Variants in ATAD3B observed in about 807,000 individuals in gnomAD.
The protein encoded by ATAD3B is ATPase family AAA domain-containing protein 3B.
A neutral mutation model predicts 70.2 loss-of-function variants in ATAD3B; 59 were observed. The ratio of observed to expected loss-of-function variants is 0.84; its 90% CI spans 0.68 to 1.04. ATAD3B has a LOEUF of 1.04. Ranked by LOEUF, ATAD3B falls within the 50% of genes least tolerant of loss-of-function variation. ATAD3B has a pLI of 0.00. For synonymous variants in ATAD3B, 423 were observed against 388.6 expected (o/e 1.09, Z -1.04); for missense variants, 961 against 913.4 (o/e 1.05, Z -0.67).
intron 15 of ATAD3B, among the ~76,000 whole-genome samples, chr1:1,494,159 A>T (rs1349719758): frequency 6.7e-6 from 1 of 150,368 alleles, no homozygotes; most frequent in African/African-American, 2.4e-5. Flanking sequence ...TCACTGTTGG[A>T]CCCACCCGCG....
chr1:1,481,079 G>A (rs1278446367), intron 5 of ATAD3B, 143 bp downstream of exon 5: 1 of 1,463,498 alleles, frequency 6.8e-7, no homozygotes, highest in Non-Finnish European at 9.0e-7. Context: ...TCTGCGGGGT[G>A]GGGCTCCCTC....
In ATAD3B at chr1:1,490,617, G is replaced by T. The variant is rs752878020; in HGVS notation, c.1560G>T (p.Arg520=). 2.5e-6 allele frequency: 4 copies of T among 1,608,118 alleles called. No individual in the cohort carries two copies. Among genetic ancestry groups the T allele is most frequent in the Non-Finnish European group, 3.4e-6 (4 of 1,178,070 alleles). ...DYGRKCSEVA[R]LTEGMSGREI... ...GGAGGAAGTGCTCGGAGGTCGCTCG[G>T]CTGACGGAGGGCATGTCGGGCCGGG... Residue 520 remains arginine, a synonymous_variant, in exon 15 of 16, where the codon CGG becomes CGT. Coordinates refer to ENST00000673477, the MANE Select transcript of ATAD3B (RefSeq NM_031921.6).
At chr1:1,508,925 G>A in the ATAD3B span, among the ~76,000 whole-genome samples, 7 of 151,386 alleles carry the variant, frequency 4.6e-5, no homozygotes, top group African/African-American at 4.9e-5. Flanking sequence ...AAGCTGCCCT[G>A]GGTCGGCCGT....
At chr1:1,503,321 G>T in the ATAD3B span, 11 of 437,724 alleles carry the variant, frequency 2.5e-5, no homozygotes, top group East Asian at 4.4e-4. Flanking sequence ...GCCTCCTCCC[G>T]TCCACGTGGG....
rs1261394567 is a variant in ATAD3B at position 1,495,930 on chromosome 1, C to G, written c.*113C>G. ...TGAGGCTTTGTACCCCAGCCCCTGC[C>G]CAGGCCACTGTGAGGGTGGGTGCTG... is the stretch of plus-strand genomic sequence containing the variant. On this transcript the variant is annotated 3_prime_UTR_variant, in exon 16 of 16. Coordinates refer to ENST00000673477, the MANE Select transcript of ATAD3B (RefSeq NM_031921.6). 7.0e-7 allele frequency: 1 copy of G among 1,422,878 alleles called. No individual in the cohort carries two copies. Among genetic ancestry groups the G allele is most frequent in the Admixed American group, 2.9e-5 (1 of 35,028 alleles). 88.1% of individuals were successfully genotyped at this position (1,422,878 alleles called of 1,614,324 possible).
downstream of ATAD3B, among the ~76,000 whole-genome samples, chr1:1,502,366 C>G (rs533388303): frequency 6.6e-6 from 1 of 151,526 alleles, no homozygotes; most frequent in South Asian, 2.1e-4. Flanking sequence ...AGGCGCCCAC[C>G]ACCGCGCCTG....
At chr1:1,478,971 G>C in intron 3 of ATAD3B, 78 bp from the exon 4 acceptor site, 3 of 747,240 alleles carry the variant, frequency 4.0e-6, no homozygotes, top group Non-Finnish European at 6.2e-6. Context: ...GCGCGTCGGA[G>C]TCCCCGGCGC....
In ATAD3B at chr1:1,485,820, G is replaced by C; in HGVS notation, c.945G>C (p.Leu315=). 2 of 1,613,156 alleles carry C rather than the reference G, an allele frequency of 1.2e-6. No homozygotes were observed. Among genetic ancestry groups the C allele is most frequent in the Non-Finnish European group, 1.7e-6 (2 of 1,179,492 alleles). ...RRLLSRPQDV[L]EGVVLSPSLE... ...TCCTCAGTCGACCCCAGGACGTGCTGGAGGGTGTTGTGCTTAGTGTAAGTC... is the reference window on the plus strand; with the variant it reads ...TCCTCAGTCGACCCCAGGACGTGCTCGAGGGTGTTGTGCTTAGTGTAAGTC... Residue 315 remains leucine, a synonymous_variant, in exon 9 of 16, where the codon CTG becomes CTC. Transcript: ENST00000673477.
chr1:1,473,489 C>G (rs1639436744), intron 1 of ATAD3B, among the ~76,000 whole-genome samples: 1 of 150,662 alleles, frequency 6.6e-6, no homozygotes, highest in Non-Finnish European at 1.5e-5. Context: ...CAGGCGTGAG[C>G]CACCGCATGC....
chr1:1,505,017 C>T, the ATAD3B span, among the ~76,000 whole-genome samples: 3,412 of 152,146 alleles, frequency 0.022, 128 homozygotes, highest in African/African-American at 0.077. Context: ...TGTGCAGAGA[C>T]AAGAGAGTGT....
At chr1:1,474,644 C>T (rs564309553) in intron 1 of ATAD3B, among the ~76,000 whole-genome samples, 13 of 151,946 alleles carry the variant, frequency 8.6e-5, no homozygotes, top group African/African-American at 1.5e-4. Context: ...GGATCACAGG[C>T]GCCCGCCAGC....
chr1:1,488,176 A>G (rs1310297541), intron 12 of ATAD3B, among the ~76,000 whole-genome samples: 2 of 152,070 alleles, frequency 1.3e-5, no homozygotes, highest in East Asian at 1.9e-4. Flanking sequence ...AAGTTGGTCA[A>G]GAACTCCTGA....
At chr1:1,499,971 C>A (rs1640909632), downstream of ATAD3B, among the ~76,000 whole-genome samples, 2 of 150,170 alleles carry the variant, frequency 1.3e-5, no homozygotes, top group Admixed American at 1.3e-4. Context: ...GATCTTGTCT[C>A]ACTGCAACCT....
chr1:1,502,701 C>T (rs1321474253), downstream of ATAD3B, among the ~76,000 whole-genome samples: 4 of 146,274 alleles, frequency 2.7e-5, no homozygotes, highest in Non-Finnish European at 4.5e-5. Context: ...TAGTAGAGAC[C>T]GGGTTTCACC....
At position 1,480,893 on chromosome 1, in the gene ATAD3B, GA is replaced by G; in HGVS notation, c.473del (p.Lys158SerfsTer56). 6.3e-7 allele frequency: 1 copy of G among 1,593,764 alleles called. No homozygotes were observed. Among genetic ancestry groups the G allele is most frequent in the Non-Finnish European group, 8.5e-7 (1 of 1,171,860 alleles). On this transcript the variant is annotated frameshift_variant, in exon 5 of 16. Coordinates refer to ENST00000673477, the MANE Select transcript of ATAD3B (RefSeq NM_031921.6). LOFTEE classifies it high-confidence loss of function. ...QQLLNEENLR[K>X]QEESVQKQEA... Reference sequence around the variant, plus strand: ...AACTTCTCAATGAGGAGAATTTACGGAAGCAGGAGGAGTCCGTGCAGAAGCA... The same window carrying G: ...AACTTCTCAATGAGGAGAATTTACGGAGCAGGAGGAGTCCGTGCAGAAGCA...
At chr1:1,472,352 A>G (rs1480618874) in intron 1 of ATAD3B, among the ~76,000 whole-genome samples, 1 of 151,922 alleles carries the variant, frequency 6.6e-6, no homozygotes, top group Non-Finnish European at 1.5e-5. Context: ...TACAGGGGTC[A>G]GGGTCTGGGG....
intron 15 of ATAD3B, 110 bp downstream of exon 15, chr1:1,490,781 G>A (rs1233125675): frequency 6.7e-7 from 1 of 1,499,806 alleles, no homozygotes; most frequent in Non-Finnish European, 8.9e-7. Flanking sequence ...CTTCTGTTGA[G>A]GGGTTTTCAG....
chr1:1,499,032 C>T (rs1318415055), downstream of ATAD3B, among the ~76,000 whole-genome samples: 4 of 150,340 alleles, frequency 2.7e-5, no homozygotes, highest in South Asian at 6.3e-4. Context: ...AGTGCAGTGG[C>T]GCGATCTCAG....
At chr1:1,489,454 T>C in intron 13 of ATAD3B, 180 bp downstream of exon 13, 2 of 1,192,388 alleles carry the variant, frequency 1.7e-6, no homozygotes, top group African/African-American at 1.5e-5. Flanking sequence ...TTGAGGAACA[T>C]GCAGGGGCCT....
Sources: allele counts gnomAD v4.1 joint callset (sites outside exome capture counted in the v4.1 genomes callset), GRCh38; gene constraint gnomAD v4.1.1; transcripts MANE v1.5; gene names NCBI Gene and HGNC (gene_info 2026-07-23, HGNC 2026-07-21).